The following P2RY12 variants were observed in gnomAD, a reference collection of about 807,000 sequenced individuals.
P2RY12 encodes purinergic receptor P2Y12.
A neutral mutation model predicts 4.5 loss-of-function variants in P2RY12; 3 were observed. That is an observed-to-expected ratio of 0.67 (90% CI 0.31 to 1.74). The LOEUF is 1.74. Ranked by LOEUF, P2RY12 falls within the 40% of genes most tolerant of loss-of-function variation. The probability of loss-of-function intolerance (pLI) is 0.09; values close to 1 mark genes in which losing one functional copy is unlikely to be tolerated. For synonymous variants in P2RY12, 148 were observed against 154.1 expected (o/e 0.96, Z 0.29); for missense variants, 356 against 407.8 (o/e 0.87, Z 1.09).
rs537368308 is a variant in P2RY12, at chr3:151,372,557, T to C, written c.-180+12135A>G. 5.6e-6 allele frequency: 9 copies of C among 1,611,258 alleles called. No individual in the cohort carries two copies. In the East Asian group the frequency reaches 1.6e-4, roughly 28 times the overall value. On this transcript the variant is annotated intron_variant, in intron 1 of 2. Transcript: ENST00000302632. ...TTCTGTGATTTTGCTTTTGTGATTC[T>C]ATTACTTAGGAGATGCCAAAATTGG...
intron 1 of P2RY12, among the ~76,000 whole-genome samples, chr3:151,352,492 G>T (rs1753357447): frequency 6.6e-6 from 1 of 152,168 alleles, no homozygotes; most frequent in Non-Finnish European, 1.5e-5. Flanking sequence ...AAAACTTAGT[G>T]TAAGCACCAG....
At chr3:151,378,990 A>G (rs1711720172) in intron 1 of P2RY12, among the ~76,000 whole-genome samples, 1 of 152,202 alleles carries the variant, frequency 6.6e-6, no homozygotes, top group African/African-American at 2.4e-5. Context: ...AGACACTTAA[A>G]GGTTACATGA....
At chr3:151,360,103 CTT>C (rs1754426457) in intron 1 of P2RY12, among the ~76,000 whole-genome samples, 1 of 152,124 alleles carries the variant, frequency 6.6e-6, no homozygotes, top group African/African-American at 2.4e-5. Context: ...ACTTGGGAAT[CTT>C]TGCACGCTGA....
rs186893035 is a variant in P2RY12, at chr3:151,338,108, A to G, written c.738T>C (p.Phe246=). 1.3e-4 allele frequency: 208 copies of G among 1,614,056 alleles called. 1 individual carries two copies. Among genetic ancestry groups the G allele is most frequent in the Admixed American group, 7.8e-4 (47 of 59,970 alleles). Reference sequence around the variant, plus strand: ...CAAAATGGAAAGGAACAAAACAAATAAAGAATACAGCAATGATAATGAAAA... The same window carrying G: ...CAAAATGGAAAGGAACAAAACAAATGAAGAATACAGCAATGATAATGAAAA... ...VKVFIIIAVF[F]ICFVPFHFAR... is the part of the protein sequence containing the mutation. Residue 246 remains phenylalanine (F), a synonymous_variant, in exon 3 of 3, where the codon TTT becomes TTC. Coordinates refer to ENST00000302632, the MANE Select transcript of P2RY12 (RefSeq NM_022788.5).
intron 1 of P2RY12, chr3:151,365,045 A>G: frequency 6.2e-7 from 1 of 1,614,116 alleles, no homozygotes; most frequent in Non-Finnish European, 8.5e-7. Context: ...CGAACTTGCG[A>G]TGGGATCCAG....
At chr3:151,379,283 A>C (rs1279523553) in intron 1 of P2RY12, among the ~76,000 whole-genome samples, 1 of 152,204 alleles carries the variant, frequency 6.6e-6, no homozygotes, top group Non-Finnish European at 1.5e-5. Flanking sequence ...GACTTGAAAG[A>C]TCGCTCTTCC....
intron 2 of P2RY12, among the ~76,000 whole-genome samples, chr3:151,339,610 T>G (rs1329113017): frequency 6.6e-6 from 1 of 152,026 alleles, no homozygotes; most frequent in Non-Finnish European, 1.5e-5. Context: ...ATACATTTTC[T>G]TGAATATCAT....
chr3:151,339,141 G>A (rs913434226), intron 2 of P2RY12, among the ~76,000 whole-genome samples: 3 of 152,032 alleles, frequency 2.0e-5, no homozygotes, highest in Admixed American at 2.0e-4. Flanking sequence ...AGCACATTTT[G>A]TCTTAGAGCT....
intron 1 of P2RY12, among the ~76,000 whole-genome samples, chr3:151,366,615 T>C (rs1031875647): frequency 2.6e-5 from 4 of 152,202 alleles, no homozygotes; most frequent in African/African-American, 4.8e-5. Flanking sequence ...TTGCCACTTA[T>C]TGGAGTAGTC....
intron 1 of P2RY12, among the ~76,000 whole-genome samples, chr3:151,380,849 C>T (rs369510305): frequency 2.6e-5 from 4 of 152,306 alleles, no homozygotes; most frequent in African/African-American, 9.6e-5. Context: ...ATCTATGCTG[C>T]AGTAGGCATG....
At chr3:151,354,827 A>T (rs1261105783) in intron 1 of P2RY12, among the ~76,000 whole-genome samples, 3 of 152,214 alleles carry the variant, frequency 2.0e-5, no homozygotes, top group Non-Finnish European at 4.4e-5. Flanking sequence ...AGCATATACT[A>T]TATGATTTCC....
At position 151,338,261 on chromosome 3, in the gene P2RY12, T is replaced by G. The variant is rs1751301638; in HGVS notation, c.585A>C (p.Gln195His). The change falls in exon 3 of 3, where the codon CAA (glutamine) becomes CAC (histidine). Residue 195 changes from glutamine (Q) to histidine (H), a missense_variant. Gln to His is a conservative substitution (Grantham distance 24). Transcript: ENST00000302632. ...TTAAGAAATTAATCCAGAAAATGACTTGACAGATGTAATTTACTATTTCAT... is the reference window on the plus strand; with the variant it reads ...TTAAGAAATTAATCCAGAAAATGACGTGACAGATGTAATTTACTATTTCAT... ...VWHEIVNYIC[Q>H]VIFWINFLIV... 2 of 1,614,012 alleles carry G rather than the reference T, an allele frequency of 1.2e-6. No individual in the cohort carries two copies. Among genetic ancestry groups the G allele is most frequent in the Non-Finnish European group, 8.5e-7 (1 of 1,179,898 alleles).
At chr3:151,366,013 A>G in intron 1 of P2RY12, 15 of 1,532,474 alleles carry the variant, frequency 9.8e-6, no homozygotes, top group Non-Finnish European at 1.2e-5. Context: ...TTTTCATTTA[A>G]AAATTGAACT....
chr3:151,377,722 A>C (rs1711511601), intron 1 of P2RY12, among the ~76,000 whole-genome samples: 1 of 152,184 alleles, frequency 6.6e-6, no homozygotes, highest in Non-Finnish European at 1.5e-5. Context: ...TTGTTGGACA[A>C]AGTGATTGTT....
rs200113922 is a variant in P2RY12, at chr3:151,368,717, T to G, written c.-180+15975A>C. ...TTCATTTCATTTCATTTCATTTCAT[T>G]TCATTTCATTTCATTTCATTTCATT... is the stretch of plus-strand genomic sequence containing the variant. On this transcript the variant is annotated intron_variant, in intron 1 of 2. Transcript: ENST00000302632. 2.7e-3 allele frequency among the ~76,000 whole-genome samples: 234 copies of G among 85,856 alleles called. 5 individuals carry two copies. The highest frequency in any genetic ancestry group is 7.9e-3 in the East Asian group (23 of 2,914). 56.3% of individuals were successfully genotyped at this position (85,856 alleles called of 152,430 possible). A position where few individuals can be genotyped will look rare whatever the true frequency, so the allele number is the denominator to read the frequency against.
chr3:151,384,134 G>A (rs1712896576), intron 1 of P2RY12: 8 of 1,613,882 alleles, frequency 5.0e-6, no homozygotes, highest in African/African-American at 1.3e-5. Context: ...TCAATGGAAC[G>A]TTAGCCTCTG....
At chr3:151,355,383 A>G (rs1333433972) in intron 1 of P2RY12, 2 of 567,636 alleles carry the variant, frequency 3.5e-6, no homozygotes, top group Non-Finnish European at 6.2e-6. Context: ...ACTATTGAGT[A>G]GTTCTTTTAA....
intron 1 of P2RY12, among the ~76,000 whole-genome samples, chr3:151,382,092 C>T (rs1288892123): frequency 1.3e-5 from 2 of 152,084 alleles, no homozygotes; most frequent in Non-Finnish European, 2.9e-5. Context: ...TAGTGTGAGT[C>T]AGTGAGGAAG....
intron 1 of P2RY12, among the ~76,000 whole-genome samples, chr3:151,379,687 C>T (rs1267782881): frequency 6.6e-6 from 1 of 152,122 alleles, no homozygotes; most frequent in East Asian, 1.9e-4. Flanking sequence ...GCTCAACAGA[C>T]ATATATATAG....
Sources: gnomAD v4.1 joint callset for allele counts (sites outside exome capture counted in the v4.1 genomes callset) on GRCh38, gnomAD v4.1.1 for gene constraint, MANE v1.5 for transcripts, NCBI Gene and HGNC (gene_info 2026-07-23, HGNC 2026-07-21) for gene names.